The following HS6ST3 variants were observed in gnomAD, a reference collection of about 807,000 sequenced individuals.
HS6ST3 encodes the protein heparan sulfate 6-O-sulfotransferase 3, also known as heparan-sulfate 6-O-sulfotransferase 3.
Under a neutral mutation model 36.7 loss-of-function variants are expected in HS6ST3, and 12 were observed. The observed-to-expected ratio is 0.33, with a 90% confidence interval of 0.21 to 0.53. HS6ST3 has a LOEUF of 0.53. Ranked by LOEUF, HS6ST3 falls within the 20% of genes least tolerant of loss-of-function variation. The pLI is 0.95. For synonymous variants in HS6ST3, 240 were observed against 257.5 expected, an observed-to-expected ratio of 0.93 and a Z score of 0.65; for missense variants, 584 against 640.9, an observed-to-expected ratio of 0.91 and a Z score of 0.96.
chr13:96,671,952 G>T (rs1450919263), intron 1 of HS6ST3, among the ~76,000 whole-genome samples: 1 of 152,056 alleles, frequency 6.6e-6, no homozygotes, highest in East Asian at 1.9e-4. Context: ...GGTTTTAAAA[G>T]TTAGAATATT....
intron 1 of HS6ST3, among the ~76,000 whole-genome samples, chr13:96,478,723 C>T (rs1322353585): frequency 6.6e-6 from 1 of 151,632 alleles, no homozygotes; most frequent in Non-Finnish European, 1.5e-5. Context: ...ATTTTTACAA[C>T]TCCGTCATGC....
At chr13:96,239,933 G>T (rs1021032307) in intron 1 of HS6ST3, among the ~76,000 whole-genome samples, 3 of 152,094 alleles carry the variant, frequency 2.0e-5, no homozygotes, top group Non-Finnish European at 4.4e-5. Flanking sequence ...CAATAGAAAA[G>T]CAAACTCTTG....
intron 1 of HS6ST3, among the ~76,000 whole-genome samples, chr13:96,483,677 T>C (rs909293298): frequency 1.3e-5 from 2 of 152,144 alleles, no homozygotes; most frequent in Non-Finnish European, 2.9e-5. Context: ...TCTTTGTGAG[T>C]TATGTTTCTT....
chr13:96,173,038 T>C (rs764111027), intron 1 of HS6ST3, among the ~76,000 whole-genome samples: 2 of 151,886 alleles, frequency 1.3e-5, no homozygotes, highest in Non-Finnish European at 2.9e-5. Context: ...ACAAAGTAGG[T>C]AGAACCCTAT....
At chr13:96,200,378 C>A (rs1024004148) in intron 1 of HS6ST3, among the ~76,000 whole-genome samples, 4 of 152,210 alleles carry the variant, frequency 2.6e-5, no homozygotes, top group African/African-American at 7.2e-5. Context: ...GCCTGGCATT[C>A]TCCTGCCTTA....
intron 1 of HS6ST3, among the ~76,000 whole-genome samples, chr13:96,742,823 G>A (rs1876475504): frequency 1.3e-5 from 2 of 152,040 alleles, no homozygotes; most frequent in South Asian, 4.1e-4. Flanking sequence ...GTTTCAGTAT[G>A]AAATTGCATC....
At chr13:96,285,274 C>A (rs1274287389) in intron 1 of HS6ST3, among the ~76,000 whole-genome samples, 1 of 152,142 alleles carries the variant, frequency 6.6e-6, no homozygotes, top group Non-Finnish European at 1.5e-5. Flanking sequence ...TTTCAAGGAG[C>A]AGCTGACACT....
intron 1 of HS6ST3, among the ~76,000 whole-genome samples, chr13:96,507,231 T>A (rs1196183275): frequency 2.0e-5 from 3 of 152,154 alleles, no homozygotes; most frequent in Non-Finnish European, 4.4e-5. Flanking sequence ...GTGCATCCAC[T>A]ATAGACACTG....
intron 1 of HS6ST3, among the ~76,000 whole-genome samples, chr13:96,812,021 C>T (rs571074537): frequency 6.6e-6 from 1 of 152,242 alleles, no homozygotes; most frequent in Non-Finnish European, 1.5e-5. Flanking sequence ...CTTCACTACA[C>T]TTTCTATGAA....
intron 1 of HS6ST3, among the ~76,000 whole-genome samples, chr13:96,214,029 C>T (rs976988472): frequency 8.5e-5 from 13 of 152,118 alleles, no homozygotes; most frequent in Admixed American, 2.6e-4. Flanking sequence ...AAGGTCTCTG[C>T]GGGTCCTCTC....
intron 1 of HS6ST3, among the ~76,000 whole-genome samples, chr13:96,249,115 TG>T (rs2054596682): frequency 6.6e-6 from 1 of 152,204 alleles, no homozygotes; most frequent in African/African-American, 2.4e-5. Flanking sequence ...TACCAGCCTT[TG>T]GGGAGACAAA....
chr13:96,235,367 C>T (rs1316644140), intron 1 of HS6ST3, among the ~76,000 whole-genome samples: 1 of 152,096 alleles, frequency 6.6e-6, no homozygotes, highest in East Asian at 1.9e-4. Context: ...AGGCAGTCAA[C>T]TGATGTTTGA....
intron 1 of HS6ST3, among the ~76,000 whole-genome samples, chr13:96,186,728 T>G (rs2139343221): frequency 6.6e-6 from 1 of 152,362 alleles, no homozygotes; most frequent in East Asian, 1.9e-4. Flanking sequence ...CCCTGAATGT[T>G]CCTTCACATA....
chr13:96,140,106 T>G (rs2054023546), intron 1 of HS6ST3, among the ~76,000 whole-genome samples: 1 of 152,160 alleles, frequency 6.6e-6, no homozygotes, highest in African/African-American at 2.4e-5. Context: ...ACCAGTCTAT[T>G]TTATTATACG....
At chr13:96,732,441 T>C (rs1463369175) in intron 1 of HS6ST3, among the ~76,000 whole-genome samples, 1 of 152,140 alleles carries the variant, frequency 6.6e-6, no homozygotes, top group African/African-American at 2.4e-5. Context: ...TTTTTCCCCG[T>C]TGTGCGTTCT....
intron 1 of HS6ST3, among the ~76,000 whole-genome samples, chr13:96,457,882 A>T (rs1051689843): frequency 6.6e-6 from 1 of 151,976 alleles, no homozygotes; most frequent in Non-Finnish European, 1.5e-5. Context: ...TTTTACAATC[A>T]TGTCACCTGT....
chr13:96,112,605 A>G (rs1296879547), intron 1 of HS6ST3, among the ~76,000 whole-genome samples: 2 of 101,368 alleles, frequency 2.0e-5, no homozygotes, highest in Middle Eastern at 5.1e-3. Context: ...ATATATATAT[A>G]TATATATATA....
At chr13:96,374,012 T>G (rs2055303075) in intron 1 of HS6ST3, among the ~76,000 whole-genome samples, 2 of 152,206 alleles carry the variant, frequency 1.3e-5, no homozygotes, top group African/African-American at 4.8e-5. Context: ...AGCAGCATTA[T>G]AAAGTTATTT....
intron 1 of HS6ST3, among the ~76,000 whole-genome samples, chr13:96,719,949 C>A (rs563540286): frequency 3.9e-5 from 6 of 152,234 alleles, no homozygotes; most frequent in South Asian, 2.1e-4. Context: ...CTGCATTTCT[C>A]CTTGGGTTAA....
Sources: allele counts gnomAD v4.1 joint callset (sites outside exome capture counted in the v4.1 genomes callset), GRCh38; gene constraint gnomAD v4.1.1; transcripts MANE v1.5; gene names NCBI Gene and HGNC (gene_info 2026-07-23, HGNC 2026-07-21).